The following FNIP1 variants were observed in gnomAD, a reference collection of about 807,000 sequenced individuals.
FNIP1 encodes folliculin-interacting protein 1.
Under a neutral mutation model 124.5 loss-of-function variants are expected in FNIP1, and 40 were observed. That is an observed-to-expected ratio of 0.32 (90% CI 0.25 to 0.42). The LOEUF is 0.42. Among genes scored for constraint, FNIP1 ranks in the 10% least tolerant of loss-of-function variants. The pLI, the probability that FNIP1 is intolerant of heterozygous loss-of-function variation, is 1.00. For missense variants in FNIP1, 1,176 were observed against 1,403.7 expected (o/e 0.84, Z 2.59); for synonymous variants, 472 against 470.6 (o/e 1.00, Z -0.04).
chr5:131,729,072 G>A (rs2149548795), intron 3 of FNIP1, among the ~76,000 whole-genome samples: 1 of 152,176 alleles, frequency 6.6e-6, no homozygotes, highest in Non-Finnish European at 1.5e-5. Context: ...TTCCAGAGGA[G>A]CCCCTGCCAG....
intron 1 of FNIP1, among the ~76,000 whole-genome samples, chr5:131,783,251 G>A (rs541745373): frequency 7.2e-5 from 11 of 152,084 alleles, no homozygotes; most frequent in African/African-American, 2.4e-4. Flanking sequence ...CCAGACTCAT[G>A]GTCATTAGGA....
chr5:131,672,773 T>C lies in FNIP1; in HGVS notation c.1671A>G (p.Gly557=), dbSNP rs758503294. The change falls in exon 14 of 18, where the codon GGA becomes GGG. Residue 557 remains glycine, a synonymous_variant. Transcript: ENST00000510461. ...ELQETHLLEN[G]EDEAIVMPGT... ...CTGGCATAACGATGGCTTCATCTTC[T>C]CCATTTTCTAAAAGATGCGTTTCTT... 5 of 1,613,364 alleles carry C rather than the reference T, an allele frequency of 3.1e-6. No homozygotes were observed. The highest frequency in any genetic ancestry group is 4.2e-6 in the Non-Finnish European group (5 of 1,179,876).
chr5:131,692,103 GTCTT>G (rs1442832012), intron 11 of FNIP1, among the ~76,000 whole-genome samples: 2 of 152,044 alleles, frequency 1.3e-5, no homozygotes, highest in Non-Finnish European at 2.9e-5. Context: ...AAATAAAACA[GTCTT>G]TATTTGTGGA....
rs1473423384 is a variant in FNIP1 at position 131,710,717 on chromosome 5, T to A, written c.623-56A>T. Reference sequence around the variant, plus strand: ...AAGAGGACTGTTAGAGAAGCCACAATGCGTCAGGGAAAAAAGGTGAGCTAA... The same window carrying A: ...AAGAGGACTGTTAGAGAAGCCACAAAGCGTCAGGGAAAAAAGGTGAGCTAA... On this transcript the variant is annotated intron_variant, in intron 6 of 17. Coordinates refer to ENST00000510461, the MANE Select transcript of FNIP1 (RefSeq NM_133372.3). The A allele has an allele frequency of 4.7e-6, 7 of 1,502,114 alleles. No individual in the cohort carries two copies. In the African/African-American group the frequency reaches 8.3e-5, roughly 18 times the overall value. The allele number at this position is 1,502,114 out of a possible 1,614,324, so 93.0% of individuals were successfully genotyped here.
At chr5:131,765,896 C>T (rs1183590996) in intron 1 of FNIP1, among the ~76,000 whole-genome samples, 1 of 152,136 alleles carries the variant, frequency 6.6e-6, no homozygotes, top group African/African-American at 2.4e-5. Context: ...TCTCCATCTC[C>T]CTTTTCATTG....
chr5:131,733,755 A>G (rs1365586442), intron 2 of FNIP1, among the ~76,000 whole-genome samples: 1 of 152,248 alleles, frequency 6.6e-6, no homozygotes, highest in Non-Finnish European at 1.5e-5. Context: ...GGATTTCTGC[A>G]TCAATATTCA....
At position 131,641,901 on chromosome 5, in the gene FNIP1, C is replaced by T. The variant is rs932935337; in HGVS notation, c.*2784G>A. 6.5e-6 allele frequency: 1 copy of T among 152,686 alleles called. No individual in the cohort carries two copies. Among genetic ancestry groups the T allele is most frequent in the African/African-American group, 2.4e-5 (1 of 41,416 alleles). 9.5% of individuals were successfully genotyped at this position (152,686 alleles called of 1,614,324 possible). The stretch of plus-strand genomic sequence containing the variant: ...ACCAGAAGTAGGCATTATGTAAAAT[C>T]TGTTTTTTTAAGTGATCATCCCCAG... On this transcript the variant is annotated 3_prime_UTR_variant, in exon 18 of 18. Coordinates refer to ENST00000510461, the MANE Select transcript of FNIP1 (RefSeq NM_133372.3).
chr5:131,661,824 C>A (rs1767450452), intron 15 of FNIP1, among the ~76,000 whole-genome samples: 1 of 152,062 alleles, frequency 6.6e-6, no homozygotes, highest in Non-Finnish European at 1.5e-5. Context: ...TCTCTCTGTG[C>A]AAATTAGATA....
intron 13 of FNIP1, among the ~76,000 whole-genome samples, chr5:131,675,827 G>A (rs188835781): frequency 1.3e-5 from 2 of 152,078 alleles, no homozygotes; most frequent in Admixed American, 1.3e-4. Context: ...TGATTGTGGT[G>A]ATGGTTTCAG....
chr5:131,788,431 G>A (rs1772287806), intron 1 of FNIP1, among the ~76,000 whole-genome samples: 1 of 152,188 alleles, frequency 6.6e-6, no homozygotes, highest in South Asian at 2.1e-4. Context: ...CACTGTGGGA[G>A]GCCAAGAAGG....
At chr5:131,695,985 A>G (rs1768678068) in intron 11 of FNIP1, among the ~76,000 whole-genome samples, 1 of 152,232 alleles carries the variant, frequency 6.6e-6, no homozygotes, top group African/African-American at 2.4e-5. Flanking sequence ...AACCATTAAC[A>G]CTTGGTTTAA....
chr5:131,665,920 G>C (rs1054179393), intron 15 of FNIP1, among the ~76,000 whole-genome samples: 1 of 58,834 alleles, frequency 1.7e-5, no homozygotes. Context: ...TTTTTTTTTT[G>C]AGACGGAGTC....
intron 2 of FNIP1, among the ~76,000 whole-genome samples, chr5:131,736,639 A>G (rs191944145): frequency 4.6e-5 from 7 of 152,342 alleles, no homozygotes; most frequent in Non-Finnish European, 7.4e-5. Context: ...TTCGAATCCT[A>G]TTGTGAACTG....
chr5:131,732,944 ATTC>A (rs1019814132), intron 2 of FNIP1, among the ~76,000 whole-genome samples: 3 of 152,132 alleles, frequency 2.0e-5, no homozygotes, highest in Admixed American at 1.3e-4. Context: ...CACGATATTG[ATTC>A]TTTCTATCCA....
chr5:131,646,008 T>A (rs1464971012), intron 17 of FNIP1, among the ~76,000 whole-genome samples: 1 of 152,200 alleles, frequency 6.6e-6, no homozygotes, highest in Non-Finnish European at 1.5e-5. Context: ...TATGCCAAAA[T>A]GCACTGTGAA....
At chr5:131,762,286 A>C (rs1771257126) in intron 1 of FNIP1, among the ~76,000 whole-genome samples, 2 of 152,204 alleles carry the variant, frequency 1.3e-5, no homozygotes, top group African/African-American at 2.4e-5. Flanking sequence ...ACAGTAAGGG[A>C]AACAATCAAC....
intron 15 of FNIP1, 92 bp from the exon 16 acceptor site, chr5:131,652,091 CAG>C: frequency 1.6e-6 from 2 of 1,217,520 alleles, no homozygotes; most frequent in Non-Finnish European, 1.1e-6. Context: ...TAAACAAAAA[CAG>C]AAAAAAAAAT....
At chr5:131,667,025 C>T (rs1345269745) in intron 15 of FNIP1, among the ~76,000 whole-genome samples, 1 of 152,164 alleles carries the variant, frequency 6.6e-6, no homozygotes, top group East Asian at 1.9e-4. Context: ...GGCACTTCAT[C>T]AGGTATTGGG....
intron 13 of FNIP1, among the ~76,000 whole-genome samples, chr5:131,676,887 G>T (rs976699316): frequency 1.3e-5 from 2 of 152,144 alleles, no homozygotes; most frequent in African/African-American, 4.8e-5. Context: ...ATGACATATT[G>T]CCATATGACA....
Sources: allele counts gnomAD v4.1 joint callset (sites outside exome capture counted in the v4.1 genomes callset), GRCh38; gene constraint gnomAD v4.1.1; transcripts MANE v1.5; gene names NCBI Gene and HGNC (gene_info 2026-07-23, HGNC 2026-07-21).